The following PRELID2 variants were observed in gnomAD, a reference collection of about 807,000 sequenced individuals.
PRELID2 encodes PRELI domain containing 2, also known as PRELI domain-containing protein 2.
In PRELID2, 25 loss-of-function variants were observed where a neutral mutation model predicts 28.4. The ratio of observed to expected loss-of-function variants is 0.88; its 90% CI spans 0.64 to 1.23. PRELID2 has a LOEUF of 1.23. PRELID2 is among the 50% of genes most tolerant of loss of function. The probability of loss-of-function intolerance (pLI) is 0.00; values close to 1 mark genes in which losing one functional copy is unlikely to be tolerated. For synonymous variants in PRELID2, 76 were observed against 71.6 expected (o/e 1.06, Z -0.31); for missense variants, 201 against 214.4 (o/e 0.94, Z 0.39).
At chr5:145,727,544 T>C (rs1756206642) in intron 1 of PRELID2, among the ~76,000 whole-genome samples, 1 of 152,216 alleles carries the variant, frequency 6.6e-6, no homozygotes, top group Admixed American at 6.5e-5. Context: ...TCATTGCTTG[T>C]TCTTGATGAC....
At chr5:145,281,660 A>G in the PRELID2 span, among the ~76,000 whole-genome samples, 1 of 152,232 alleles carries the variant, frequency 6.6e-6, no homozygotes, top group Non-Finnish European at 1.5e-5. Flanking sequence ...GAGCAGAGAT[A>G]ACATGTCTGC....
At chr5:145,407,074 C>A in the PRELID2 span, among the ~76,000 whole-genome samples, 1 of 152,122 alleles carries the variant, frequency 6.6e-6, no homozygotes, top group African/African-American at 2.4e-5. Context: ...ACAAATTTTC[C>A]TGAGCTGAAG....
chr5:145,695,119 G>T (rs920897209), intron 1 of PRELID2, among the ~76,000 whole-genome samples: 1 of 152,110 alleles, frequency 6.6e-6, no homozygotes, highest in South Asian at 2.1e-4. Context: ...TAAAGAAAAA[G>T]ATATAAATAA....
At chr5:145,835,068 A>G in intron 1 of PRELID2, 109 bp downstream of exon 1, 1 of 722,002 alleles carries the variant, frequency 1.4e-6, no homozygotes, top group Non-Finnish European at 2.4e-6. Flanking sequence ...CAAAGCCCGC[A>G]GCTGGAAAGA....
the PRELID2 span, among the ~76,000 whole-genome samples, chr5:145,430,656 T>C: frequency 2.6e-5 from 4 of 152,206 alleles, no homozygotes; most frequent in African/African-American, 9.6e-5. Flanking sequence ...TATGCCTGTA[T>C]ACCTTTGATT....
intron 2 of PRELID2, among the ~76,000 whole-genome samples, chr5:145,821,617 C>T (rs370777865): frequency 6.6e-6 from 1 of 152,120 alleles, no homozygotes; most frequent in African/African-American, 2.4e-5. Context: ...TATAGTAGTC[C>T]CAACCCTTGA....
chr5:145,483,431 CACAG>C (rs1752184968), intron 1 of PRELID2, among the ~76,000 whole-genome samples: 1 of 152,198 alleles, frequency 6.6e-6, no homozygotes, highest in Admixed American at 6.5e-5. Context: ...ATTAGCTCAT[CACAG>C]ACAGACACAT....
At chr5:145,367,705 A>T in the PRELID2 span, among the ~76,000 whole-genome samples, 1 of 151,946 alleles carries the variant, frequency 6.6e-6, no homozygotes, top group Non-Finnish European at 1.5e-5. Context: ...GGAATAATAC[A>T]GTGTGTAGCC....
chr5:145,424,422 G>A, the PRELID2 span, among the ~76,000 whole-genome samples: 137 of 152,322 alleles, frequency 9.0e-4, no homozygotes, highest in African/African-American at 3.0e-3. Flanking sequence ...AGCCAGGTGC[G>A]GGATATAATC....
the PRELID2 span, among the ~76,000 whole-genome samples, chr5:145,349,050 G>A: frequency 3.9e-5 from 6 of 151,988 alleles, no homozygotes; most frequent in East Asian, 1.9e-4. Context: ...AGTGATATAC[G>A]TATTTATACA....
At chr5:145,382,878 AAAAAT>A in the PRELID2 span, among the ~76,000 whole-genome samples, 1 of 151,930 alleles carries the variant, frequency 6.6e-6, no homozygotes, top group Non-Finnish European at 1.5e-5. Flanking sequence ...TTGAAATTTT[AAAAAT>A]AAAATAATAT....
chr5:145,476,510 T>C (rs1316075736), intron 1 of PRELID2, among the ~76,000 whole-genome samples: 1 of 152,094 alleles, frequency 6.6e-6, no homozygotes, highest in Non-Finnish European at 1.5e-5. Context: ...CTAGGTGTGG[T>C]GGCATGCACC....
At chr5:145,522,015 TA>T (rs1393430231) in intron 1 of PRELID2, among the ~76,000 whole-genome samples, 3 of 152,244 alleles carry the variant, frequency 2.0e-5, no homozygotes, top group African/African-American at 7.2e-5. Flanking sequence ...TTCATTTCTT[TA>T]ATTCATTCAT....
At chr5:145,310,349 G>C in the PRELID2 span, among the ~76,000 whole-genome samples, 1 of 152,122 alleles carries the variant, frequency 6.6e-6, no homozygotes, top group Non-Finnish European at 1.5e-5. Flanking sequence ...AGACTTCTGA[G>C]TTTTCAGGGA....
At chr5:145,258,932 A>G in the PRELID2 span, among the ~76,000 whole-genome samples, 1 of 152,262 alleles carries the variant, frequency 6.6e-6, no homozygotes, top group African/African-American at 2.4e-5. Context: ...TACCAGGCCC[A>G]GGGCCCTGCC....
intron 5 of PRELID2, among the ~76,000 whole-genome samples, chr5:145,775,764 G>A (rs1219239137): frequency 2.0e-5 from 3 of 152,170 alleles, no homozygotes; most frequent in African/African-American, 7.2e-5. Flanking sequence ...CCAGAGTGCT[G>A]TCATTAACAA....
At chr5:145,572,290 T>C (rs1245353706) in intron 1 of PRELID2, among the ~76,000 whole-genome samples, 1 of 152,226 alleles carries the variant, frequency 6.6e-6, no homozygotes, top group Non-Finnish European at 1.5e-5. Context: ...TGTATAAATC[T>C]AACCTGTACT....
chr5:145,651,765 C>A (rs771510200), intron 1 of PRELID2, among the ~76,000 whole-genome samples: 3 of 152,176 alleles, frequency 2.0e-5, no homozygotes, highest in Non-Finnish European at 4.4e-5. Context: ...ACGTCACCAT[C>A]ATCAAAGACC....
intron 1 of PRELID2, among the ~76,000 whole-genome samples, chr5:145,553,191 C>CA (rs1012498669): frequency 7.1e-6 from 1 of 141,488 alleles, no homozygotes; most frequent in Non-Finnish European, 1.5e-5. Context: ...GACCCCCCCC[C>CA]CCAAAAAAAA....
Sources: gnomAD v4.1 joint callset for allele counts (sites outside exome capture counted in the v4.1 genomes callset) on GRCh38, gnomAD v4.1.1 for gene constraint, MANE v1.5 for transcripts, NCBI Gene and HGNC (gene_info 2026-07-23, HGNC 2026-07-21) for gene names.